Variants in LIMCH1 observed in about 807,000 individuals in gnomAD.
The protein encoded by LIMCH1 is LIM and calponin homology domains 1, also known as LIM and calponin homology domains-containing protein 1.
In LIMCH1, 113 loss-of-function variants were observed where a neutral mutation model predicts 176.5. That is an observed-to-expected ratio of 0.64 (90% confidence interval 0.55 to 0.75). LIMCH1 has a LOEUF of 0.75. Among genes scored for constraint, LIMCH1 ranks in the 30% least tolerant of loss-of-function variants. The pLI is 0.00. For synonymous variants in LIMCH1, 619 were observed against 645.9 expected (o/e 0.96, Z 0.63); for missense variants, 1,674 against 1,814.9 (o/e 0.92, Z 1.41).
intron 1 of LIMCH1, among the ~76,000 whole-genome samples, chr4:41,432,391 T>C (rs1582073736): frequency 2.0e-5 from 3 of 152,360 alleles, no homozygotes; most frequent in Admixed American, 2.0e-4. Context: ...TGTAACTCTT[T>C]ACGTATAACG....
intron 2 of LIMCH1, among the ~76,000 whole-genome samples, chr4:41,512,543 A>G (rs1229791779): frequency 6.6e-6 from 1 of 152,248 alleles, no homozygotes; most frequent in Non-Finnish European, 1.5e-5. Flanking sequence ...AATGTGGTAT[A>G]TCCTTGCAAT....
rs966395565 is a variant in LIMCH1, at chr4:41,649,151, G to T, written c.2821-1242G>T. On this transcript the variant is annotated intron_variant, in intron 17 of 31. Coordinates refer to ENST00000503057, the MANE Select transcript of LIMCH1 (RefSeq NM_001330672.2). ...GAGGTGGCTCACACCTGTAATGCCA[G>T]CACTTTGGGAGGCCGAGGCAGGCAG... Among the ~76,000 whole-genome samples, 3 of 152,326 alleles carry T rather than the reference G, an allele frequency of 2.0e-5. No individual in the cohort carries two copies. The South Asian group carries it at 6.2e-4, about 32-fold the overall frequency.
intron 2 of LIMCH1, among the ~76,000 whole-genome samples, chr4:41,502,335 A>G (rs1023822132): frequency 2.6e-5 from 4 of 152,100 alleles, no homozygotes; most frequent in African/African-American, 9.7e-5. Context: ...GATTGATTCC[A>G]TTCTTCGCTA....
intron 7 of LIMCH1, among the ~76,000 whole-genome samples, chr4:41,622,330 C>T (rs956689897): frequency 1.3e-5 from 2 of 151,354 alleles, no homozygotes; most frequent in Non-Finnish European, 2.9e-5. Flanking sequence ...TCAGACTTCT[C>T]CAGCTTCTGC....
At chr4:41,443,192 C>CTTTTTTTTTTTTTTTTTTTTT (rs916559501) in intron 1 of LIMCH1, among the ~76,000 whole-genome samples, 3 of 39,708 alleles carry the variant, frequency 7.6e-5, no homozygotes, top group East Asian at 6.7e-4. Flanking sequence ...TGTTTTTTTT[C>CTTTTTTTTTTTTTTTTTTTTT]TTTTTTTTTT....
chr4:41,361,041 A>G lies in LIMCH1; in HGVS notation c.96+105A>G. 4 of 694,096 alleles carry G rather than the reference A, an allele frequency of 5.8e-6. No individual in the cohort carries two copies. In the South Asian group the frequency reaches 6.5e-5, roughly 11 times the overall value. 43.0% of individuals were successfully genotyped at this position (694,096 alleles called of 1,614,324 possible). The stretch of plus-strand genomic sequence containing the variant: ...GCCTTGCCTCCCCCCAACCGCCCCC[A>G]CTTTCTTTTGCCAGCTGCTCCAGGT... On this transcript the variant is annotated intron_variant, in intron 1 of 26. Transcript: ENST00000313860.
intron 1 of LIMCH1, among the ~76,000 whole-genome samples, chr4:41,438,489 C>G (rs2062339779): frequency 6.6e-6 from 1 of 151,850 alleles, no homozygotes; most frequent in Admixed American, 6.6e-5. Flanking sequence ...CAGCCTCCCG[C>G]CACGACACCT....
At chr4:41,677,241 ATC>A (rs975546404) in intron 23 of LIMCH1, among the ~76,000 whole-genome samples, 1 of 151,402 alleles carries the variant, frequency 6.6e-6, no homozygotes, top group Non-Finnish European at 1.5e-5. Context: ...GAGAAACCCC[ATC>A]TCTACTAAAA....
At chr4:41,641,711 A>T (rs2093831019) in intron 14 of LIMCH1, among the ~76,000 whole-genome samples, 1 of 152,206 alleles carries the variant, frequency 6.6e-6, no homozygotes, top group Non-Finnish European at 1.5e-5. Context: ...CATGAAACAA[A>T]GTTTTGGCTG....
chr4:41,503,459 C>G (rs1450923442), intron 2 of LIMCH1, among the ~76,000 whole-genome samples: 7 of 152,162 alleles, frequency 4.6e-5, no homozygotes, highest in African/African-American at 1.7e-4. Flanking sequence ...TACAGGCCCG[C>G]TGAGGGACTC....
intron 1 of LIMCH1, among the ~76,000 whole-genome samples, chr4:41,462,397 T>G (rs1043659940): frequency 2.0e-5 from 3 of 152,192 alleles, no homozygotes; most frequent in African/African-American, 7.2e-5. Flanking sequence ...TAACTTCTTA[T>G]GGGTTTGATT....
rs71198659 is a variant in LIMCH1 at position 41,469,665 on chromosome 4, G to GATTTATTTATTTATTTATTTATTT, written c.97-24862_97-24839dup. ...AGGATTATGTCATAGCTTGTTTTGA[G>GATTTATTTATTTATTTATTTATTT]ATTTATTTATTTATTTATTTATTTA... On this transcript the variant is annotated intron_variant, in intron 1 of 26. Coordinates refer to the LIMCH1 transcript ENST00000313860. 2.3e-3 allele frequency among the ~76,000 whole-genome samples: 334 copies of GATTTATTTATTTATTTATTTATTT among 148,358 alleles called. 4 individuals carry two copies. The highest frequency in any genetic ancestry group is 4.4e-3 in the African/African-American group (176 of 39,626).
chr4:41,465,525 T>G (rs1247855745), intron 1 of LIMCH1, among the ~76,000 whole-genome samples: 1 of 152,242 alleles, frequency 6.6e-6, no homozygotes, highest in Non-Finnish European at 1.5e-5. Flanking sequence ...CTGCCCATTT[T>G]CCTCCATTGG....
chr4:41,530,528 C>G (rs571700236), intron 3 of LIMCH1, among the ~76,000 whole-genome samples: 6 of 152,080 alleles, frequency 3.9e-5, no homozygotes, highest in African/African-American at 1.4e-4. Flanking sequence ...GTTTTTTGGC[C>G]AGGCATGGTG....
intron 1 of LIMCH1, among the ~76,000 whole-genome samples, chr4:41,580,378 T>C (rs2085218504): frequency 6.6e-6 from 1 of 152,132 alleles, no homozygotes; most frequent in Non-Finnish European, 1.5e-5. Flanking sequence ...AAGAAGGCAA[T>C]TTAAAAAATT....
intron 1 of LIMCH1, among the ~76,000 whole-genome samples, chr4:41,398,378 C>A (rs1163924913): frequency 6.6e-6 from 1 of 152,042 alleles, no homozygotes; most frequent in East Asian, 1.9e-4. Context: ...GTGGGCTCAT[C>A]AATTTCCGTA....
chr4:41,458,240 T>C (rs2064854626), intron 1 of LIMCH1, among the ~76,000 whole-genome samples: 1 of 152,186 alleles, frequency 6.6e-6, no homozygotes, highest in African/African-American at 2.4e-5. Context: ...AATCTCCTTC[T>C]TTTTGCACAT....
At chr4:41,406,249 T>C (rs1472203132) in intron 1 of LIMCH1, among the ~76,000 whole-genome samples, 3 of 152,220 alleles carry the variant, frequency 2.0e-5, no homozygotes, top group African/African-American at 7.2e-5. Flanking sequence ...CTGACTCTGG[T>C]CTAAGGACAT....
At chr4:41,364,343 T>C (rs2052634059) in intron 1 of LIMCH1, among the ~76,000 whole-genome samples, 1 of 151,474 alleles carries the variant, frequency 6.6e-6, no homozygotes. Context: ...CTATTATCAT[T>C]ATGATAATTA....
Sources: allele counts gnomAD v4.1 joint callset (sites outside exome capture counted in the v4.1 genomes callset), GRCh38; gene constraint gnomAD v4.1.1; transcripts MANE v1.5; gene names NCBI Gene and HGNC (gene_info 2026-07-23, HGNC 2026-07-21).